Variants in MYO9A observed in about 807,000 individuals in gnomAD.
MYO9A encodes the protein unconventional myosin-IXa.
Under a neutral mutation model 293.3 loss-of-function variants are expected in MYO9A, and 103 were observed. The ratio of observed to expected loss-of-function variants is 0.35; its 90% CI spans 0.30 to 0.41. The LOEUF (loss-of-function observed/expected upper bound fraction) is 0.41. MYO9A is among the 10% of genes least tolerant of loss of function. The probability of loss-of-function intolerance (pLI) is 1.00; values close to 1 mark genes in which losing one functional copy is unlikely to be tolerated. For synonymous variants in MYO9A, 1,001 were observed against 1,035.7 expected (o/e 0.97, Z 0.64); for missense variants, 2,685 against 3,033.0 (o/e 0.89, Z 2.69).
At chr15:72,113,268 G>T (rs560652439) in intron 1 of MYO9A, among the ~76,000 whole-genome samples, 5 of 152,128 alleles carry the variant, frequency 3.3e-5, no homozygotes, top group Non-Finnish European at 7.4e-5. Context: ...AATCTGAAAA[G>T]AGGTAAAGGA....
chr15:71,961,431 GATA>G lies in MYO9A; in HGVS notation c.1987-1338_1987-1336del, dbSNP rs546614569. 4.7e-4 allele frequency among the ~76,000 whole-genome samples: 72 copies of G among 152,244 alleles called. 2 individuals carry two copies. In the Middle Eastern group the frequency reaches 0.014, roughly 29 times the overall value. ...TCCAAGTGAAGTTTGGGCCAGTGAG[GATA>G]ATAATAGTAGGTAACACTTGAGAGG... On this transcript the variant is annotated intron_variant, in intron 13 of 41. Transcript: ENST00000356056.
chr15:71,951,729 T>C (rs374249576), intron 15 of MYO9A, 48 bp downstream of exon 15: 122 of 1,611,248 alleles, frequency 7.6e-5, no homozygotes, highest in Non-Finnish European at 9.8e-5. Flanking sequence ...CTGGTTTCCA[T>C]TTCCAAATGG....
chr15:71,945,912 T>C (rs1029391924), intron 15 of MYO9A, among the ~76,000 whole-genome samples: 8 of 152,208 alleles, frequency 5.3e-5, no homozygotes, highest in Non-Finnish European at 1.5e-5. Flanking sequence ...TCTCTATTCC[T>C]AGGCTACTAA....
Position 71,861,611 on chromosome 15 carries a change from G to T in MYO9A, c.6091+889C>A, listed in dbSNP as rs1596052300. Among the ~76,000 whole-genome samples, 3 of 138,534 alleles carry T rather than the reference G, an allele frequency of 2.2e-5. No homozygotes were observed. In the South Asian group the frequency reaches 6.7e-4, roughly 31 times the overall value. The allele number at this position is 138,534 out of a possible 152,430, so 90.9% of individuals were successfully genotyped here. On this transcript the variant is annotated intron_variant, in intron 33 of 41. Coordinates refer to ENST00000356056, the MANE Select transcript of MYO9A (RefSeq NM_006901.4). ...CATCCATCCATCCATCCATCTATAG[G>T]TTTATCTAACCAACAAATATTTATT... is the stretch of plus-strand genomic sequence containing the variant.
intron 39 of MYO9A, among the ~76,000 whole-genome samples, chr15:71,832,910 T>C (rs775464795): frequency 6.6e-6 from 1 of 152,106 alleles, no homozygotes; most frequent in East Asian, 1.9e-4. Context: ...GGGAAAAAGA[T>C]AAAACTACTA....
chr15:71,848,824 A>G (rs1596021047), intron 39 of MYO9A, 21 bp downstream of exon 39: 2 of 1,593,420 alleles, frequency 1.3e-6, no homozygotes, highest in Non-Finnish European at 1.7e-6. Flanking sequence ...TTTTTCCACT[A>G]TTCCATGTGT....
chr15:71,876,713 C>G (rs931809433), intron 31 of MYO9A, among the ~76,000 whole-genome samples: 4 of 152,084 alleles, frequency 2.6e-5, no homozygotes, highest in African/African-American at 9.7e-5. Context: ...GGATTACAGG[C>G]ATGAGCCACT....
chr15:72,111,177 T>C (rs1169789185), intron 1 of MYO9A, among the ~76,000 whole-genome samples: 1 of 146,112 alleles, frequency 6.8e-6, no homozygotes, highest in Non-Finnish European at 1.5e-5. Flanking sequence ...AAAAAAATTA[T>C]TGATTTCACA....
chr15:71,959,863 AGATG>A, intron 14 of MYO9A, 34 bp downstream of exon 14: 3 of 1,506,488 alleles, frequency 2.0e-6, no homozygotes, highest in Non-Finnish European at 8.9e-7. Flanking sequence ...AAAAAAAAAA[AGATG>A]AAGTATGGTA....
rs1330812974 is a variant in MYO9A, at chr15:71,897,715, TG to T, written c.4787del (p.Pro1596GlnfsTer35). The T allele has an allele frequency of 1.2e-6, 2 of 1,614,010 alleles. No individual in the cohort carries two copies. The highest frequency in any genetic ancestry group is 1.1e-5 in the South Asian group (1 of 91,078). ...QKDSSSAHLP[P>X]KDRPVTVFFE... is the part of the protein sequence containing the mutation. ...AGAACACGGTGACAGGTCGGTCCTT[TG>T]GGGGTAAGTGAGCAGAGGAACTGTC... On this transcript the variant is annotated frameshift_variant, in exon 25 of 42. Transcript: ENST00000356056. LOFTEE classifies it high-confidence loss of function.
At chr15:72,107,812 C>CCAAT (rs34453440) in intron 1 of MYO9A, among the ~76,000 whole-genome samples, 6 of 147,726 alleles carry the variant, frequency 4.1e-5, no homozygotes, top group Non-Finnish European at 8.9e-5. Flanking sequence ...AAAAAAAAAA[C>CCAAT]GTCTGCAAAT....
intron 5 of MYO9A, among the ~76,000 whole-genome samples, chr15:72,019,514 A>C (rs2077438172): frequency 6.6e-6 from 1 of 152,234 alleles, no homozygotes; most frequent in Admixed American, 6.5e-5. Context: ...AAATAGTTTA[A>C]ACTGGGGAGG....
chr15:71,983,642 C>T (rs1030176841), intron 11 of MYO9A, among the ~76,000 whole-genome samples: 3 of 151,724 alleles, frequency 2.0e-5, no homozygotes, highest in African/African-American at 7.3e-5. Flanking sequence ...GCCACCACGC[C>T]CTGCTAATTT....
At chr15:71,827,607 C>G (rs565395339) in intron 41 of MYO9A, among the ~76,000 whole-genome samples, 6 of 151,928 alleles carry the variant, frequency 3.9e-5, no homozygotes, top group Non-Finnish European at 8.8e-5. Flanking sequence ...ACAAAGACAA[C>G]AGGAAAAAAA....
chr15:72,059,907 G>A (rs2078830548), intron 1 of MYO9A, among the ~76,000 whole-genome samples: 1 of 151,966 alleles, frequency 6.6e-6, no homozygotes, highest in South Asian at 2.1e-4. Flanking sequence ...ACCTTTTATA[G>A]GCACCCTGTA....
At chr15:72,054,112 T>C (rs1043792244) in intron 1 of MYO9A, among the ~76,000 whole-genome samples, 2 of 152,156 alleles carry the variant, frequency 1.3e-5, no homozygotes, top group Middle Eastern at 3.2e-3. Flanking sequence ...AGAAATACCA[T>C]GCAAACACTA....
intron 1 of MYO9A, among the ~76,000 whole-genome samples, chr15:72,053,338 G>A (rs1396794407): frequency 2.6e-5 from 4 of 151,914 alleles, no homozygotes; most frequent in South Asian, 2.1e-4. Flanking sequence ...CTCAGGAGGC[G>A]CAGGTTGCAG....
At position 72,016,080 on chromosome 15, in the gene MYO9A, G is replaced by C. The variant is rs1358018467; in HGVS notation, c.1155+2959C>G. Among the ~76,000 whole-genome samples the C allele has an allele frequency of 3.3e-5, 5 of 152,048 alleles. No individual in the cohort carries two copies. In the East Asian group the frequency reaches 9.7e-4, roughly 29 times the overall value. On this transcript the variant is annotated intron_variant, in intron 6 of 41. Coordinates refer to ENST00000356056, the MANE Select transcript of MYO9A (RefSeq NM_006901.4). ...ATATTTTATAACTGAGGAAACAAAGGCTGAGATGTTAATAATAATAAAAAT... is the reference window on the plus strand; with the variant it reads ...ATATTTTATAACTGAGGAAACAAAGCCTGAGATGTTAATAATAATAAAAAT...
chr15:71,933,800 T>C, intron 17 of MYO9A, 91 bp from the exon 18 acceptor site: 1 of 1,101,430 alleles, frequency 9.1e-7, no homozygotes, highest in Admixed American at 2.3e-5. Flanking sequence ...AGGTCTCTCC[T>C]AAAACAACAG....
Sources: allele counts gnomAD v4.1 joint callset (sites outside exome capture counted in the v4.1 genomes callset), GRCh38; gene constraint gnomAD v4.1.1; transcripts MANE v1.5; gene names NCBI Gene and HGNC (gene_info 2026-07-23, HGNC 2026-07-21).